The following SDK2 variants were observed in gnomAD, a reference collection of about 807,000 sequenced individuals.
SDK2 encodes the protein sidekick cell adhesion molecule 2.
SDK2 carries 105 observed loss-of-function variants against 253.9 expected under a neutral mutation model. The ratio of observed to expected loss-of-function variants is 0.41; its 90% CI spans 0.35 to 0.49. The LOEUF (loss-of-function observed/expected upper bound fraction) is 0.49. Among genes scored for constraint, SDK2 ranks in the 20% least tolerant of loss-of-function variants. The pLI is 0.06. For synonymous variants in SDK2, 1,249 were observed against 1,234.9 expected, an observed-to-expected ratio of 1.01 and a Z score of -0.24; for missense variants, 2,608 against 3,003.0, an observed-to-expected ratio of 0.87 and a Z score of 3.07.
At chr17:73,628,047 G>A (rs979488246) in intron 1 of SDK2, among the ~76,000 whole-genome samples, 4 of 152,140 alleles carry the variant, frequency 2.6e-5, no homozygotes, top group East Asian at 1.9e-4. Context: ...GCGAGACTCC[G>A]TCTCAAAAAC....
intron 2 of SDK2, among the ~76,000 whole-genome samples, chr17:73,479,574 C>A (rs185744549): frequency 1.6e-4 from 24 of 152,308 alleles, no homozygotes; most frequent in African/African-American, 4.3e-4. Flanking sequence ...TAAATAATAA[C>A]AATATACCAT....
At position 73,433,767 on chromosome 17, in the gene SDK2, G is replaced by A. The variant is rs760209315; in HGVS notation, c.1277C>T (p.Ser426Leu). The A allele has an allele frequency of 8.1e-6, 13 of 1,608,524 alleles. No homozygotes were observed. The highest frequency in any genetic ancestry group is 2.2e-5 in the East Asian group (1 of 44,720). Residue 426 changes from serine to leucine, a missense_variant, in exon 10 of 45, where the codon TCG (serine) becomes TTG (leucine). Physicochemically the swap from Ser to Leu is moderately radical, Grantham distance 145. Around this residue, in one of 2 missense-constraint regions of SDK2, gnomAD observed 1,505 missense variants for 1,859.1 expected, o/e 0.81. Transcript: ENST00000392650. Reference protein sequence around the residue: ...GMSVVLACETSGAPRPAITWQ... With the variant: ...GMSVVLACETLGAPRPAITWQ... ...AGTGATAGCTGGTCGGGGCGCCCCC[G>A]AGGTCTCACATGCTAGCACCACTGA...
At chr17:73,514,312 C>T (rs2064005434) in intron 1 of SDK2, among the ~76,000 whole-genome samples, 1 of 152,172 alleles carries the variant, frequency 6.6e-6, no homozygotes, top group African/African-American at 2.4e-5. Flanking sequence ...GTCAGGGGAT[C>T]GCTGACTGCC....
At chr17:73,416,638 G>T (rs2063184799) in intron 16 of SDK2, among the ~76,000 whole-genome samples, 1 of 152,046 alleles carries the variant, frequency 6.6e-6, no homozygotes, top group African/African-American at 2.4e-5. Flanking sequence ...CACCCAGGCT[G>T]GAGTGCTATG....
rs546370526 is a variant in SDK2 at position 73,419,928 on chromosome 17, TG to T, written c.2046-623del. Among the ~76,000 whole-genome samples the T allele has an allele frequency of 3.2e-3, 487 of 150,986 alleles. 14 individuals are homozygous for T. Among genetic ancestry groups the T allele is most frequent in the Non-Finnish European group, 6.6e-4 (45 of 67,742 alleles). On this transcript the variant is annotated intron_variant, in intron 15 of 44. Coordinates refer to ENST00000392650, the MANE Select transcript of SDK2 (RefSeq NM_001144952.2). ...ACATGTTTTTGGTGCCGTTGAGGGATGTAAGTTTCAGTTTCCTATTTGTCAA... is the reference window on the plus strand; with the variant it reads ...ACATGTTTTTGGTGCCGTTGAGGGATTAAGTTTCAGTTTCCTATTTGTCAA...
At chr17:73,372,741 G>GA (rs1427285960) in intron 36 of SDK2, among the ~76,000 whole-genome samples, 1 of 150,404 alleles carries the variant, frequency 6.6e-6, no homozygotes, top group Admixed American at 6.6e-5. Flanking sequence ...ACTCTGTCTC[G>GA]AAAAAAACAA....
rs183083087 is a variant in SDK2, at chr17:73,350,750, C to A, written c.5799G>T (p.Leu1933Phe). ...TGAGGCCGACCAGGGCAATGACCAC[C>A]AAGAACCACCACTCCTCATAGAAGG... ...ANPFYEEWWFLVVIALVGLIF... is the reference protein window; with the variant it reads ...ANPFYEEWWFFVVIALVGLIF... Residue 1933 changes from leucine to phenylalanine, a missense_variant, in exon 42 of 45, where the codon TTG becomes TTT. Leu to Phe is a conservative substitution (Grantham distance 22). This residue lies in a region of SDK2 where 1,103 missense variants were observed against 1,143.9 expected (regional missense o/e 0.96). Coordinates refer to ENST00000392650, the MANE Select transcript of SDK2 (RefSeq NM_001144952.2). 1 of 1,613,506 alleles carries A rather than the reference C, an allele frequency of 6.2e-7. No homozygotes were observed. The highest frequency in any genetic ancestry group is 1.1e-5 in the South Asian group (1 of 91,058).
chr17:73,391,197 A>T (rs1341114524), intron 28 of SDK2, among the ~76,000 whole-genome samples: 1 of 152,168 alleles, frequency 6.6e-6, no homozygotes, highest in Admixed American at 6.5e-5. Context: ...GCCTGGGGAC[A>T]TTTGGGGACG....
rs1568356151 is a variant in SDK2 at position 73,339,213 on chromosome 17, G to GTTTTTTTTGTTTTTTTTTT, written c.6166-274_6166-273insAAAAAAAAAACAAAAAAAA. ...TACCTGATAGAATCAGAAGACCTGAGTTTTTTTTTGTTTTTGTTTTTGTTT... is the reference window on the plus strand; with the variant it reads ...TACCTGATAGAATCAGAAGACCTGAGTTTTTTTTGTTTTTTTTTTTTTTTTTTTGTTTTTGTTTTTGTTT... On this transcript the variant is annotated intron_variant, in intron 44 of 44. Coordinates refer to ENST00000392650, the MANE Select transcript of SDK2 (RefSeq NM_001144952.2). Among the ~76,000 whole-genome samples, 6 of 127,610 alleles carry GTTTTTTTTGTTTTTTTTTT rather than the reference G, an allele frequency of 4.7e-5. 1 individual carries two copies. The highest frequency in any genetic ancestry group is 2.8e-5 in the African/African-American group (1 of 35,882). The allele number at this position is 127,610 out of a possible 152,430, so 83.7% of individuals were successfully genotyped here.
chr17:73,444,486 G>A (rs558037969), intron 5 of SDK2, among the ~76,000 whole-genome samples: 1 of 152,224 alleles, frequency 6.6e-6, no homozygotes, highest in South Asian at 2.1e-4. Flanking sequence ...GTGGGAGGAA[G>A]TGTACGGGGC....
chr17:73,375,955 GGA>G (rs1376705685), intron 36 of SDK2, among the ~76,000 whole-genome samples: 1 of 151,854 alleles, frequency 6.6e-6, no homozygotes, highest in Non-Finnish European at 1.5e-5. Flanking sequence ...CAGCACTTTG[GGA>G]GGCCGAGGTG....
chr17:73,592,915 C>A (rs1336580746), intron 1 of SDK2, among the ~76,000 whole-genome samples: 1 of 152,162 alleles, frequency 6.6e-6, no homozygotes, highest in Non-Finnish European at 1.5e-5. Context: ...CCTCAGCTCA[C>A]CCCGGTAATG....
chr17:73,533,823 CTCTT>C (rs1327254766), intron 1 of SDK2, among the ~76,000 whole-genome samples: 1 of 152,166 alleles, frequency 6.6e-6, no homozygotes, highest in Non-Finnish European at 1.5e-5. Flanking sequence ...AAGGAAGTGT[CTCTT>C]TGAGACTCTG....
At chr17:73,507,121 TCACAGC>T (rs373184660) in intron 2 of SDK2, among the ~76,000 whole-genome samples, 1 of 152,180 alleles carries the variant, frequency 6.6e-6, no homozygotes, top group African/African-American at 2.4e-5. Flanking sequence ...GGGGCCACAG[TCACAGC>T]CACAGCCACA....
chr17:73,533,170 C>T (rs1215386012), intron 1 of SDK2, among the ~76,000 whole-genome samples: 4 of 152,330 alleles, frequency 2.6e-5, no homozygotes, highest in Admixed American at 1.3e-4. Flanking sequence ...GTCCCCTCAT[C>T]GGTATCCCCT....
intron 1 of SDK2, among the ~76,000 whole-genome samples, chr17:73,510,959 CACT>C (rs2063975565): frequency 6.6e-6 from 1 of 152,148 alleles, no homozygotes; most frequent in Non-Finnish European, 1.5e-5. Context: ...CTTCCAGGGG[CACT>C]TGTGCCTCCA....
chr17:73,566,935 G>C (rs1335392044), intron 1 of SDK2, among the ~76,000 whole-genome samples: 1 of 150,806 alleles, frequency 6.6e-6, no homozygotes, highest in Non-Finnish European at 1.5e-5. Flanking sequence ...ATGAGGTAGA[G>C]AACAAAAGTG....
At chr17:73,533,051 C>T (rs887700583) in intron 1 of SDK2, among the ~76,000 whole-genome samples, 5 of 152,226 alleles carry the variant, frequency 3.3e-5, no homozygotes, top group Admixed American at 6.5e-5. Context: ...CTTGGATGCC[C>T]ATCTTGCTCC....
rs12941308 is a variant in SDK2, at chr17:73,570,818, C to T, written c.65-63221G>A. On this transcript the variant is annotated intron_variant, in intron 1 of 44. Transcript: ENST00000392650. The surrounding 1 kb of genome is among the most constrained non-coding windows in gnomAD (Gnocchi z 4.2). ...TCTTCCTGCCCCTCACTGGACTGAA[C>T]TGAGTTTAGCCCGAAATGCTCCTCC... Among the ~76,000 whole-genome samples the T allele has an allele frequency of 0.27, 40,753 of 152,088 alleles. 5,540 individuals carry two copies. The highest frequency in any genetic ancestry group is 0.35 in the South Asian group (1,694 of 4,824).
Sources: allele counts gnomAD v4.1 joint callset (sites outside exome capture counted in the v4.1 genomes callset), GRCh38; gene constraint gnomAD v4.1.1; regional missense constraint gnomAD v4.1.1; non-coding constraint Gnocchi (gnomAD v3.1); transcripts MANE v1.5; gene names NCBI Gene and HGNC (gene_info 2026-07-23, HGNC 2026-07-21).